Variants in PANK2 observed in about 807,000 individuals in gnomAD.
PANK2 encodes the protein pantothenate kinase 2, mitochondrial.
PANK2 carries 36 observed loss-of-function variants against 43.1 expected under a neutral mutation model. That is an observed-to-expected ratio of 0.84 (90% CI 0.64 to 1.10). The LOEUF (loss-of-function observed/expected upper bound fraction) is 1.10, where lower values mean the gene tolerates loss of function less well. Among genes scored for constraint, PANK2 ranks in the 50% least tolerant of loss-of-function variants. The pLI, the probability that PANK2 is intolerant of heterozygous loss-of-function variation, is 0.00. For missense variants in PANK2, 576 were observed against 593.3 expected, an observed-to-expected ratio of 0.97 and a Z score of 0.30; for synonymous variants, 281 against 238.2, an observed-to-expected ratio of 1.18 and a Z score of -1.66.
intron 4 of PANK2, among the ~76,000 whole-genome samples, chr20:3,913,087 C>T (rs1170724016): frequency 1.3e-5 from 2 of 152,016 alleles, no homozygotes; most frequent in Non-Finnish European, 2.9e-5. Context: ...GTGCAACCAT[C>T]ACTGTAATCC....
chr20:3,893,860 A>G (rs1322043670), intron 1 of PANK2, among the ~76,000 whole-genome samples: 1 of 151,108 alleles, frequency 6.6e-6, no homozygotes, highest in Non-Finnish European at 1.5e-5. Context: ...CTGAGGAAAA[A>G]TGTTAGATTG....
intron 3 of PANK2, among the ~76,000 whole-genome samples, chr20:3,911,998 TA>T (rs899603872): frequency 5.3e-5 from 8 of 152,166 alleles, no homozygotes; most frequent in Non-Finnish European, 1.0e-4. Context: ...ACAATTTTTT[TA>T]AAAAAACAGT....
chr20:3,895,847 G>A (rs1450917421), intron 1 of PANK2, among the ~76,000 whole-genome samples: 1 of 152,048 alleles, frequency 6.6e-6, no homozygotes, highest in Non-Finnish European at 1.5e-5. Flanking sequence ...TGATTTTACG[G>A]TATGTGGTCT....
chr20:3,889,969 C>T, intron 1 of PANK2: 2 of 1,493,932 alleles, frequency 1.3e-6, no homozygotes, highest in African/African-American at 2.8e-5. Context: ...GAGGGCTTTT[C>T]CCCAGGACCT....
At chr20:3,919,124 C>T (rs1336037523) in intron 6 of PANK2, among the ~76,000 whole-genome samples, 3 of 152,150 alleles carry the variant, frequency 2.0e-5, no homozygotes, top group Non-Finnish European at 2.9e-5. Context: ...CCAAGCTGGT[C>T]TGGTCTCAAA....
chr20:3,900,569 T>C (rs780978962), intron 1 of PANK2, among the ~76,000 whole-genome samples: 2 of 151,878 alleles, frequency 1.3e-5, no homozygotes, highest in African/African-American at 2.4e-5. Flanking sequence ...TTGTGGGTGA[T>C]TTACCATTTT....
At chr20:3,921,382 G>T (rs2090644948) in intron 6 of PANK2, 1 of 151,990 alleles carries the variant, frequency 6.6e-6, no homozygotes, top group Admixed American at 6.6e-5. Context: ...TCTCTCAAGC[G>T]TTTCCTCTTT....
chr20:3,894,501 A>G (rs1161110036), intron 1 of PANK2, among the ~76,000 whole-genome samples: 1 of 152,022 alleles, frequency 6.6e-6, no homozygotes, highest in Non-Finnish European at 1.5e-5. Flanking sequence ...CAGCCTCCCA[A>G]AGTGCTGGGA....
intron 2 of PANK2, chr20:3,908,684 A>C: frequency 4.1e-6 from 1 of 241,322 alleles, no homozygotes; most frequent in South Asian, 5.0e-5. Context: ...GTTTGCTGGC[A>C]TGTTCACTAA....
chr20:3,903,233 C>T (rs1049950961), intron 1 of PANK2, among the ~76,000 whole-genome samples: 2 of 151,470 alleles, frequency 1.3e-5, no homozygotes, highest in East Asian at 1.9e-4. Context: ...AAATTTACTC[C>T]TCCTCCTGGG....
intron 2 of PANK2, among the ~76,000 whole-genome samples, chr20:3,909,535 C>CTT (rs1418322418): frequency 6.6e-6 from 1 of 152,104 alleles, no homozygotes; most frequent in Non-Finnish European, 1.5e-5. Context: ...CTGGCCTCAA[C>CTT]TTTTTGACTA....
Position 3,912,639 on chromosome 20 carries a change from G to C in PANK2, c.1082+5G>C, listed in dbSNP as rs1400593456. Reference sequence around the variant, plus strand: ...AGGCTGGGCTGTGGCTTCAAGGTAAGGGGGCATGTGTGTTCTAAGAAATAC... The same window carrying C: ...AGGCTGGGCTGTGGCTTCAAGGTAACGGGGCATGTGTGTTCTAAGAAATAC... On this transcript the variant is annotated splice_donor_5th_base_variant and intron_variant, in intron 4 of 6. Transcript: ENST00000610179. 3 of 1,613,694 alleles carry C rather than the reference G, an allele frequency of 1.9e-6. No homozygotes were observed. The highest frequency in any genetic ancestry group is 1.7e-5 in the Admixed American group (1 of 59,968).
At chr20:3,897,350 A>G (rs2090225860) in intron 1 of PANK2, among the ~76,000 whole-genome samples, 1 of 152,172 alleles carries the variant, frequency 6.6e-6, no homozygotes, top group African/African-American at 2.4e-5. Context: ...ATAGACTGAA[A>G]TATCTGAAAA....
intron 1 of PANK2, among the ~76,000 whole-genome samples, chr20:3,904,031 G>A (rs2090347898): frequency 6.6e-6 from 1 of 151,892 alleles, no homozygotes; most frequent in Non-Finnish European, 1.5e-5. Flanking sequence ...CCTGACCTCA[G>A]GTGATCTGCC....
intron 1 of PANK2, among the ~76,000 whole-genome samples, chr20:3,893,355 A>G (rs2090154075): frequency 6.6e-6 from 1 of 152,192 alleles, no homozygotes; most frequent in Non-Finnish European, 1.5e-5. Flanking sequence ...CTACCATTGC[A>G]TGATATAGGT....
At chr20:3,915,880 C>T (rs779956481) in intron 4 of PANK2, among the ~76,000 whole-genome samples, 8 of 152,088 alleles carry the variant, frequency 5.3e-5, no homozygotes, top group Admixed American at 3.9e-4. Context: ...GATACTGTAG[C>T]GTTGTATTAA....
intron 4 of PANK2, among the ~76,000 whole-genome samples, chr20:3,913,791 T>TATA (rs71195868): frequency 2.4e-3 from 252 of 107,174 alleles, no homozygotes; most frequent in South Asian, 0.014. Flanking sequence ...TATATATATA[T>TATA]TTTTTTTTTT....
At chr20:3,921,157 C>T (rs938008921) in intron 6 of PANK2, 4 of 152,022 alleles carry the variant, frequency 2.6e-5, no homozygotes, top group Non-Finnish European at 5.9e-5. Flanking sequence ...CCCATTAACT[C>T]GTCATTTACA....
Position 3,912,424 on chromosome 20 carries a change from G to A in PANK2, c.906-34G>A, listed in dbSNP as rs536546852. 2.7e-5 allele frequency: 44 copies of A among 1,605,484 alleles called. No individual in the cohort carries two copies. The Admixed American group carries it at 5.2e-4, about 19-fold the overall frequency. On this transcript the variant is annotated intron_variant, in intron 3 of 6. Transcript: ENST00000610179. The stretch of plus-strand genomic sequence containing the variant: ...ACTTCTTGTTCTTATTTTTAAAAAT[G>A]TTATAATACTGTGTTAATTGTTTTT...
Sources: allele counts gnomAD v4.1 joint callset (sites outside exome capture counted in the v4.1 genomes callset), GRCh38; gene constraint gnomAD v4.1.1; transcripts MANE v1.5; gene names NCBI Gene and HGNC (gene_info 2026-07-23, HGNC 2026-07-21).